The following EPB41L1 variants were observed in gnomAD, a reference collection of about 807,000 sequenced individuals.
The protein encoded by EPB41L1 is erythrocyte membrane protein band 4.1 like 1, also known as band 4.1-like protein 1.
A neutral mutation model predicts 97.8 loss-of-function variants in EPB41L1; 29 were observed. The ratio of observed to expected loss-of-function variants is 0.30; its 90% CI spans 0.22 to 0.40. The LOEUF (loss-of-function observed/expected upper bound fraction) is 0.40, where lower values mean the gene tolerates loss of function less well. EPB41L1 is among the 10% of genes least tolerant of loss of function. The probability of loss-of-function intolerance (pLI) is 1.00; values close to 1 mark genes in which losing one functional copy is unlikely to be tolerated. For synonymous variants in EPB41L1, 383 were observed against 459.2 expected (o/e 0.83, Z 2.12); for missense variants, 812 against 1,162.3 (o/e 0.70, Z 4.38).
At chr20:36,142,109 CAAAA>C (rs578232990) in intron 2 of EPB41L1, among the ~76,000 whole-genome samples, 2 of 58,824 alleles carry the variant, frequency 3.4e-5, no homozygotes, top group Non-Finnish European at 3.7e-5. Context: ...AACTCCATCT[CAAAA>C]AAAAAAAAAA....
intron 1 of EPB41L1, among the ~76,000 whole-genome samples, chr20:36,103,578 G>A (rs1328077763): frequency 6.6e-6 from 1 of 152,158 alleles, no homozygotes; most frequent in Non-Finnish European, 1.5e-5. Context: ...CTGGGGGCTT[G>A]GGTGAATTAA....
intron 15 of EPB41L1, among the ~76,000 whole-genome samples, chr20:36,211,735 T>C (rs1264083470): frequency 6.6e-6 from 1 of 152,058 alleles, no homozygotes; most frequent in Non-Finnish European, 1.5e-5. Context: ...GAGCCTGTAG[T>C]GCCAGCTACC....
At chr20:36,208,439 C>G (rs761687975) in intron 14 of EPB41L1, 1 of 365,028 alleles carries the variant, frequency 2.7e-6, no homozygotes, top group Non-Finnish European at 5.5e-6. Flanking sequence ...CCCTGATGAC[C>G]CAGTCACCTT....
chr20:36,115,804 AT>A (rs2058566275), intron 2 of EPB41L1, among the ~76,000 whole-genome samples: 1 of 152,314 alleles, frequency 6.6e-6, no homozygotes, highest in Middle Eastern at 3.4e-3. Context: ...AGACAGGAGA[AT>A]TGCTTGAACT....
Position 36,209,412 on chromosome 20 carries a change from A to G in EPB41L1, c.1669-76A>G. On this transcript the variant is annotated intron_variant, in intron 14 of 21. Transcript: ENST00000338074. This position sits in a 1 kb window ranked among gnomAD's most constrained non-coding sequence, Gnocchi z 4.2. Reference sequence around the variant, plus strand: ...ACACAGCCCCGAGATTTCTCCTGACATTCACCATCTTGATTTCTCTTTCTC... The same window carrying G: ...ACACAGCCCCGAGATTTCTCCTGACGTTCACCATCTTGATTTCTCTTTCTC... 5.2e-6 allele frequency: 8 copies of G among 1,526,462 alleles called. No homozygotes were observed. Among genetic ancestry groups the G allele is most frequent in the Non-Finnish European group, 7.1e-6 (8 of 1,123,822 alleles). The allele number at this position is 1,526,462 out of a possible 1,614,324, so 94.6% of individuals were successfully genotyped here.
intron 1 of EPB41L1, 112 bp downstream of exon 1, chr20:36,155,008 GCTGTT>G: frequency 2.0e-6 from 2 of 1,013,800 alleles, no homozygotes; most frequent in South Asian, 3.1e-5. Context: ...GAGTTTTCAG[GCTGTT>G]GGTCCCCTGG....
In EPB41L1 at chr20:36,173,829, G is replaced by T. The variant is rs775455374; in HGVS notation, c.52G>T (p.Ala18Ser). The change falls in exon 2 of 22, where the codon GCC becomes TCC. Residue 18 changes from alanine (A) to serine (S), a missense_variant. Physicochemically the swap from Ala to Ser is moderately conservative, Grantham distance 99. This residue lies in a region of EPB41L1 where 84 missense variants were observed against 94.3 expected (regional missense o/e 0.89). Coordinates refer to ENST00000338074, the MANE Select transcript of EPB41L1 (RefSeq NM_012156.2). The part of the protein sequence containing the change: ...DSEVKKAQEE[A>S]PQQPEAAAAV... Reference sequence around the variant, plus strand: ...TGAGGTGAAGAAAGCTCAGGAGGAGGCCCCGCAGCAGCCCGAGGCTGCTGC... The same window carrying T: ...TGAGGTGAAGAAAGCTCAGGAGGAGTCCCCGCAGCAGCCCGAGGCTGCTGC... 1.7e-5 allele frequency: 28 copies of T among 1,613,830 alleles called. No individual in the cohort carries two copies. Among genetic ancestry groups the T allele is most frequent in the Non-Finnish European group, 2.0e-5 (24 of 1,179,936 alleles).
intron 18 of EPB41L1, 134 bp downstream of exon 18, chr20:36,219,096 C>T: frequency 2.1e-6 from 2 of 948,516 alleles, no homozygotes; most frequent in Non-Finnish European, 3.3e-6. Flanking sequence ...GGAAACTGGA[C>T]CCTTTTCAGA....
Position 36,213,705 on chromosome 20 carries a change from A to C in EPB41L1, c.2185-652A>C, listed in dbSNP as rs191122939. ...TATTGACATAAAAACAAAACAACAA[A>C]AAAAGTTTATAGTTATACAATTCAA... On this transcript the variant is annotated intron_variant, in intron 16 of 21. Coordinates refer to ENST00000338074, the MANE Select transcript of EPB41L1 (RefSeq NM_012156.2). 2.8e-3 allele frequency among the ~76,000 whole-genome samples: 423 copies of C among 152,288 alleles called. 2 individuals carry two copies. Among genetic ancestry groups the C allele is most frequent in the Non-Finnish European group, 3.0e-3 (205 of 68,030 alleles).
rs532534999 is a variant in EPB41L1, at chr20:36,198,160, T to TGGTGGGG, written c.1668+120_1668+126dup. 440 of 930,036 alleles carry TGGTGGGG rather than the reference T, an allele frequency of 4.7e-4. No individual in the cohort carries two copies. The African/African-American group carries it at 5.5e-3, about 12-fold the overall frequency. 57.6% of individuals were successfully genotyped at this position (930,036 alleles called of 1,614,324 possible). ...GCTTCCCCCATTGCTGCTTAGGGGC[T>TGGTGGGG]GGTGGGGATGGAGAGGGTGGTAGAT... is the stretch of plus-strand genomic sequence containing the variant. On this transcript the variant is annotated intron_variant, in intron 14 of 21. Coordinates refer to ENST00000338074, the MANE Select transcript of EPB41L1 (RefSeq NM_012156.2).
At chr20:36,224,494 A>G (rs1189692423) in intron 21 of EPB41L1, among the ~76,000 whole-genome samples, 1 of 152,034 alleles carries the variant, frequency 6.6e-6, no homozygotes, top group African/African-American at 2.4e-5. Context: ...CTAAAATACA[A>G]AATTAGGAGT....
intron 5 of EPB41L1, among the ~76,000 whole-genome samples, chr20:36,181,042 A>G (rs1015304279): frequency 7.2e-5 from 11 of 152,180 alleles, no homozygotes; most frequent in African/African-American, 2.7e-4. Flanking sequence ...ACATGTGCAT[A>G]AAGTTCTTAG....
intron 1 of EPB41L1, among the ~76,000 whole-genome samples, chr20:36,098,648 A>G (rs2147478208): frequency 6.6e-6 from 1 of 152,324 alleles, no homozygotes. Flanking sequence ...GAGTAATTGC[A>G]TCTGCAAAGA....
intron 7 of EPB41L1, among the ~76,000 whole-genome samples, chr20:36,185,771 A>C (rs764676513): frequency 6.6e-5 from 10 of 152,126 alleles, no homozygotes; most frequent in Admixed American, 5.2e-4. Flanking sequence ...AGGTCATTTC[A>C]CTTCCTATGC....
chr20:36,167,576 C>G (rs1251271142), intron 1 of EPB41L1, among the ~76,000 whole-genome samples: 1 of 151,680 alleles, frequency 6.6e-6, no homozygotes, highest in African/African-American at 2.4e-5. Flanking sequence ...GGCATGGTGG[C>G]GGGTGCCTGT....
chr20:36,166,794 G>C (rs1243895419), intron 1 of EPB41L1, among the ~76,000 whole-genome samples: 1 of 152,188 alleles, frequency 6.6e-6, no homozygotes, highest in East Asian at 1.9e-4. Flanking sequence ...GAACCTGGGA[G>C]GTGGAGGTTG....
intron 6 of EPB41L1, among the ~76,000 whole-genome samples, chr20:36,182,826 C>T (rs578038616): frequency 7.9e-5 from 12 of 152,178 alleles, no homozygotes; most frequent in Non-Finnish European, 1.3e-4. Flanking sequence ...GGGTGAGCCA[C>T]CAGTTTGCAG....
intron 1 of EPB41L1, among the ~76,000 whole-genome samples, chr20:36,172,099 A>T (rs1167285966): frequency 6.6e-6 from 1 of 151,970 alleles, no homozygotes; most frequent in Non-Finnish European, 1.5e-5. Context: ...ATTTAATTTT[A>T]TTTTTTTGAG....
intron 16 of EPB41L1, among the ~76,000 whole-genome samples, chr20:36,213,773 A>C (rs975501703): frequency 1.3e-5 from 2 of 152,210 alleles, no homozygotes; most frequent in African/African-American, 4.8e-5. Context: ...ACCCAGAAAA[A>C]AATATAAGCC....
Sources: gnomAD v4.1 joint callset for allele counts (sites outside exome capture counted in the v4.1 genomes callset) on GRCh38, gnomAD v4.1.1 for gene constraint, gnomAD v4.1.1 regional missense constraint, Gnocchi (gnomAD v3.1) non-coding constraint, MANE v1.5 for transcripts, NCBI Gene and HGNC (gene_info 2026-07-23, HGNC 2026-07-21) for gene names.